COG5: variants seen among roughly 807,000 people sequenced by gnomAD.
The protein encoded by COG5 is conserved oligomeric Golgi complex subunit 5.
Under a neutral mutation model 110.4 loss-of-function variants are expected in COG5, and 86 were observed. That is an observed-to-expected ratio of 0.78 (90% CI 0.65 to 0.93). COG5 has a LOEUF of 0.93. COG5 is among the 40% of genes least tolerant of loss of function. The pLI, the probability that COG5 is intolerant of heterozygous loss-of-function variation, is 0.00. For synonymous variants in COG5, 360 were observed against 334.6 expected (o/e 1.08, Z -0.83); for missense variants, 1,077 against 987.0 (o/e 1.09, Z -1.22).
intron 6 of COG5, among the ~76,000 whole-genome samples, chr7:107,496,913 T>C (rs529416637): frequency 6.6e-6 from 1 of 151,792 alleles, no homozygotes; most frequent in South Asian, 2.1e-4. Flanking sequence ...TTCCCTAAGA[T>C]CAAAAACAAA....
chr7:107,536,652 AG>A (rs763731917), intron 5 of COG5, among the ~76,000 whole-genome samples: 1 of 152,250 alleles, frequency 6.6e-6, no homozygotes, highest in African/African-American at 2.4e-5. Flanking sequence ...GCTCATGGAT[AG>A]GAAGAATCAA....
intron 7 of COG5, among the ~76,000 whole-genome samples, chr7:107,403,957 T>C (rs192964568): frequency 1.3e-5 from 2 of 152,206 alleles, no homozygotes; most frequent in East Asian, 1.9e-4. Flanking sequence ...CAGAATTCAA[T>C]GAATAGAAAC....
At chr7:107,370,569 T>C (rs187378369) in intron 8 of COG5, among the ~76,000 whole-genome samples, 2,017 of 151,956 alleles carry the variant, frequency 0.013, 52 homozygotes, top group African/African-American at 0.045. Context: ...GCGGATCACC[T>C]GAGGTCAGGA....
chr7:107,378,294 A>T (rs973630797), intron 7 of COG5, among the ~76,000 whole-genome samples: 1 of 152,224 alleles, frequency 6.6e-6, no homozygotes, highest in African/African-American at 2.4e-5. Flanking sequence ...CCAAAGGTAG[A>T]TAAAACCACA....
In COG5 at chr7:107,327,370, T is replaced by A. The variant is rs193187586; in HGVS notation, c.1027-2849A>T. 3.4e-4 allele frequency among the ~76,000 whole-genome samples: 52 copies of A among 152,210 alleles called. No individual in the cohort carries two copies. The East Asian group carries it at 9.1e-3, about 27-fold the overall frequency. ...AAAAAAACATAGGAGAAAAGCTCTG[T>A]GACACTGGATTTGGCAATAATTCTT... is the stretch of plus-strand genomic sequence containing the variant. On this transcript the variant is annotated intron_variant, in intron 10 of 21. Coordinates refer to ENST00000297135, the MANE Select transcript of COG5 (RefSeq NM_006348.5).
At chr7:107,415,540 G>A (rs1455128400) in intron 6 of COG5, among the ~76,000 whole-genome samples, 2 of 151,732 alleles carry the variant, frequency 1.3e-5, no homozygotes, top group Non-Finnish European at 1.5e-5. Context: ...AAATAAGGTG[G>A]CTAGTCTACT....
rs141942249 is a variant in COG5, at chr7:107,203,605, A to G, written c.2401T>C (p.Ser801Pro). The change falls in exon 22 of 22, where the codon TCA (serine) becomes CCA (proline). Residue 801 changes from serine (S) to proline (P), a missense_variant. By Grantham distance (74) the Ser-to-Pro change is moderately conservative. Transcript: ENST00000297135. ...IRGALEAYVQSVRSREGKEFA... is the reference protein window; with the variant it reads ...IRGALEAYVQPVRSREGKEFA... ...TCTTTGCCTTCTCTACTTCTCACTG[A>G]TTGAACATAAGCTTCCAGGGCTCCC... 2.0e-4 allele frequency: 317 copies of G among 1,613,838 alleles called. 1 individual carries two copies. The highest frequency in any genetic ancestry group is 6.5e-4 in the Admixed American group (39 of 60,016).
chr7:107,279,502 A>T (rs1046938019), intron 14 of COG5, among the ~76,000 whole-genome samples: 1 of 152,184 alleles, frequency 6.6e-6, no homozygotes, highest in African/African-American at 2.4e-5. Context: ...GTTTTCAGTC[A>T]AATTATTCTA....
chr7:107,248,998 G>T (rs1413103178), intron 16 of COG5, among the ~76,000 whole-genome samples: 1 of 152,208 alleles, frequency 6.6e-6, no homozygotes, highest in East Asian at 1.9e-4. Context: ...GGAGTTTGTT[G>T]TGTCATGGGG....
At chr7:107,424,137 G>T (rs1047499757) in intron 6 of COG5, among the ~76,000 whole-genome samples, 1 of 151,924 alleles carries the variant, frequency 6.6e-6, no homozygotes, top group African/African-American at 2.4e-5. Flanking sequence ...GCAGGGTGTG[G>T]TGGTGCGTGC....
Position 107,389,114 on chromosome 7 carries a change from T to C in COG5, c.670-16354A>G, listed in dbSNP as rs138112437. ...CCTGCTACACTCTATTGGGCTCATA[T>C]CTTAGATCCGCCTTTCTTTCGCCCT... On this transcript the variant is annotated intron_variant, in intron 7 of 21. Coordinates refer to ENST00000297135, the MANE Select transcript of COG5 (RefSeq NM_006348.5). Among the ~76,000 whole-genome samples the C allele has an allele frequency of 4.3e-3, 657 of 152,358 alleles. 8 individuals carry two copies. Among genetic ancestry groups the C allele is most frequent in the African/African-American group, 0.015 (608 of 41,590 alleles).
intron 11 of COG5, among the ~76,000 whole-genome samples, chr7:107,310,773 C>A (rs1326036910): frequency 1.3e-5 from 2 of 152,188 alleles, no homozygotes; most frequent in East Asian, 1.9e-4. Flanking sequence ...AGGGCATGCA[C>A]CCAGTACACA....
At chr7:107,325,685 A>G (rs1170779124) in intron 10 of COG5, among the ~76,000 whole-genome samples, 1 of 152,148 alleles carries the variant, frequency 6.6e-6, no homozygotes, top group African/African-American at 2.4e-5. Context: ...AGTAAGAGTA[A>G]AAATAAAATA....
intron 6 of COG5, among the ~76,000 whole-genome samples, chr7:107,426,796 T>C (rs1793672472): frequency 6.6e-6 from 1 of 152,188 alleles, no homozygotes; most frequent in Admixed American, 6.5e-5. Flanking sequence ...TCTGGGGCAT[T>C]CAGATCAAAG....
chr7:107,530,373 G>A (rs535136991), intron 5 of COG5, among the ~76,000 whole-genome samples: 21 of 152,182 alleles, frequency 1.4e-4, no homozygotes, highest in Non-Finnish European at 2.4e-4. Flanking sequence ...AGGCCAAGGC[G>A]GGCGGATCAC....
chr7:107,293,818 A>G (rs146954443), intron 12 of COG5, among the ~76,000 whole-genome samples: 192 of 152,262 alleles, frequency 1.3e-3, no homozygotes, highest in Middle Eastern at 0.01. Flanking sequence ...CAGGCCTGTA[A>G]TCCCACACTT....
At chr7:107,473,915 T>C in intron 6 of COG5, 4 of 518,008 alleles carry the variant, frequency 7.7e-6, no homozygotes, top group Non-Finnish European at 1.4e-5. Context: ...CTATTAATAG[T>C]TTACAAACTT....
intron 6 of COG5, among the ~76,000 whole-genome samples, chr7:107,524,892 T>C (rs1052651978): frequency 2.2e-4 from 34 of 152,260 alleles, no homozygotes; most frequent in Admixed American, 2.0e-3. Flanking sequence ...ACTCAGAACA[T>C]TATGATCAAT....
At position 107,241,162 on chromosome 7, in the gene COG5, T is replaced by A. The variant is rs1247645582; in HGVS notation, c.1854-4475A>T. Reference sequence around the variant, plus strand: ...CACTAGTTGCAGCTCACCAATTAAATTAAAAGTATGTGACCACTGTTATTA... The same window carrying A: ...CACTAGTTGCAGCTCACCAATTAAAATAAAAGTATGTGACCACTGTTATTA... On this transcript the variant is annotated intron_variant, in intron 17 of 21. Transcript: ENST00000297135. Among the ~76,000 whole-genome samples the A allele has an allele frequency of 2.6e-5, 4 of 152,184 alleles. No individual in the cohort carries two copies. In the East Asian group the frequency reaches 7.7e-4, roughly 29 times the overall value.
Sources: gnomAD v4.1 joint callset for allele counts (sites outside exome capture counted in the v4.1 genomes callset) on GRCh38, gnomAD v4.1.1 for gene constraint, MANE v1.5 for transcripts, NCBI Gene and HGNC (gene_info 2026-07-23, HGNC 2026-07-21) for gene names.